IL5: variants seen among roughly 807,000 people sequenced by gnomAD.
IL5 encodes the protein interleukin 5.
A neutral mutation model predicts 16.3 loss-of-function variants in IL5; 12 were observed. The observed-to-expected ratio is 0.74, with a 90% CI of 0.47 to 1.20. The LOEUF is 1.20. Ranked by LOEUF, IL5 falls within the 50% of genes most tolerant of loss-of-function variation. The probability of loss-of-function intolerance (pLI) is 0.00; values close to 1 mark genes in which losing one functional copy is unlikely to be tolerated. For synonymous variants in IL5, 54 were observed against 56.6 expected (o/e 0.95, Z 0.21); for missense variants, 159 against 153.9 (o/e 1.03, Z -0.17).
chr5:132,542,187 T>A, intron 2 of IL5, 44 bp from the exon 3 acceptor site: 2 of 1,568,776 alleles, frequency 1.3e-6, no homozygotes, highest in South Asian at 1.2e-5. Flanking sequence ...CAAGACAAGG[T>A]ATAAAAATTT....
At position 132,542,145 on chromosome 5, in the gene IL5, TA is replaced by T. The variant is rs763525191; in HGVS notation, c.178-3del. Reference sequence around the variant, plus strand: ...GATTTCTTCAGTGCACAGTTGGTGCTAAATGAGGAAAATTTTTAAAATGCAA... The same window carrying T: ...GATTTCTTCAGTGCACAGTTGGTGCTAATGAGGAAAATTTTTAAAATGCAA... On this transcript the variant is annotated splice_polypyrimidine_tract_variant and splice_region_variant and intron_variant, in intron 2 of 3. Coordinates refer to ENST00000231454, the MANE Select transcript of IL5 (RefSeq NM_000879.3). 37 of 1,594,858 alleles carry T rather than the reference TA, an allele frequency of 2.3e-5. No individual in the cohort carries two copies. The highest frequency in any genetic ancestry group is 1.1e-5 in the Non-Finnish European group (13 of 1,175,098).
intron 1 of IL5, among the ~76,000 whole-genome samples, chr5:132,554,413 C>A (rs1749938945): frequency 6.9e-6 from 1 of 145,074 alleles, no homozygotes; most frequent in African/African-American, 2.5e-5. Context: ...GTCAATTATT[C>A]AAAGATACAC....
upstream of IL5, among the ~76,000 whole-genome samples, chr5:132,547,143 A>G (rs904413411): frequency 1.3e-4 from 20 of 152,246 alleles, no homozygotes; most frequent in African/African-American, 4.8e-4. Flanking sequence ...AGGAGATGGA[A>G]CACAACCCCC....
intron 1 of IL5, among the ~76,000 whole-genome samples, chr5:132,554,687 T>G (rs1749943352): frequency 6.6e-6 from 1 of 152,204 alleles, no homozygotes; most frequent in Admixed American, 6.5e-5. Flanking sequence ...TAATTCCACT[T>G]CTGGGTATAT....
At chr5:132,548,026 G>A (rs1480773760), upstream of IL5, among the ~76,000 whole-genome samples, 2 of 152,100 alleles carry the variant, frequency 1.3e-5, no homozygotes, top group African/African-American at 2.4e-5. Flanking sequence ...CTGAGATAGC[G>A]CCACTGCACT....
At chr5:132,543,801 G>T (rs1186623543), upstream of IL5, 7 of 204,606 alleles carry the variant, frequency 3.4e-5, no homozygotes, top group Non-Finnish European at 6.9e-5. Context: ...CCTCTTAAAA[G>T]ATGTGTGCAA....
rs147191578 is a variant in IL5, at chr5:132,541,861, G to T, written c.355C>A (p.Leu119Met). 2 of 1,613,714 alleles carry T rather than the reference G, an allele frequency of 1.2e-6. No individual in the cohort carries two copies. The highest frequency in any genetic ancestry group is 2.7e-5 in the African/African-American group (2 of 74,876). Reference protein sequence around the residue: ...RRRVNQFLDYLQEFLGVMNTE... With the variant: ...RRRVNQFLDYMQEFLGVMNTE... ...TTCATTACACCAAGAAACTCTTGCA[G>T]GTAGTCTAGGAATTGGTTTACTCTC... The change falls in exon 4 of 4, where the codon CTG (leucine) becomes ATG (methionine). Residue 119 changes from leucine (L) to methionine (M), a missense_variant. Coordinates refer to ENST00000231454, the MANE Select transcript of IL5 (RefSeq NM_000879.3).
chr5:132,555,538 C>T (rs111934411), intron 1 of IL5, among the ~76,000 whole-genome samples: 139 of 152,312 alleles, frequency 9.1e-4, no homozygotes, highest in African/African-American at 3.2e-3. Flanking sequence ...CTTTTTGAGA[C>T]GGAGTCTCGC....
In IL5 at chr5:132,541,692, T is replaced by G. The variant is rs201136277; in HGVS notation, c.*119A>C. The G allele has an allele frequency of 2.6e-5, 15 of 582,612 alleles. No homozygotes were observed. The African/African-American group carries it at 2.8e-4, about 11-fold the overall frequency. 36.1% of individuals were successfully genotyped at this position (582,612 alleles called of 1,614,324 possible). On this transcript the variant is annotated 3_prime_UTR_variant, in exon 4 of 4. Coordinates refer to ENST00000231454, the MANE Select transcript of IL5 (RefSeq NM_000879.3). ...GTCAGTATGCCTGAAATATTTACTT[T>G]CCCTCTGAAGTTAAATTATACTGAA...
chr5:132,550,919 G>A (rs551414810), intron 1 of IL5, among the ~76,000 whole-genome samples: 5 of 152,254 alleles, frequency 3.3e-5, no homozygotes, highest in African/African-American at 1.2e-4. Context: ...AAGACAATGA[G>A]GAACAAAAAT....
At chr5:132,547,019 C>G (rs1406005140), upstream of IL5, among the ~76,000 whole-genome samples, 1 of 151,838 alleles carries the variant, frequency 6.6e-6, no homozygotes, top group Non-Finnish European at 1.5e-5. Context: ...GAGCGAGACT[C>G]CATCTCAAAA....
At chr5:132,551,941 T>C (rs1749888880) in intron 1 of IL5, among the ~76,000 whole-genome samples, 1 of 152,088 alleles carries the variant, frequency 6.6e-6, no homozygotes, top group South Asian at 2.1e-4. Context: ...CCAATATTAA[T>C]ATCAGAAAAA....
Position 132,543,101 on chromosome 5 carries a change from T to C in IL5, c.170A>G (p.His57Arg). ...AATCATAATTTAACTTACATTTTTA[T>C]GTACAGGAACAGGAATCCTCAGAGT... is the stretch of plus-strand genomic sequence containing the variant. The part of the protein sequence containing the change: ...NETLRIPVPV[H>R]KNHQLCTEEI... The change falls in exon 2 of 4, where the codon CAT becomes CGT. Residue 57 changes from histidine to arginine, a missense_variant. Coordinates refer to ENST00000231454, the MANE Select transcript of IL5 (RefSeq NM_000879.3). 2 of 1,603,228 alleles carry C rather than the reference T, an allele frequency of 1.2e-6. No homozygotes were observed. Among genetic ancestry groups the C allele is most frequent in the Non-Finnish European group, 8.5e-7 (1 of 1,170,866 alleles).
At position 132,542,069 on chromosome 5, in the gene IL5, C is replaced by T. The variant is rs1411636379; in HGVS notation, c.252G>A (p.Val84=). The T allele has an allele frequency of 3.7e-6, 6 of 1,613,590 alleles. No individual in the cohort carries two copies. In the South Asian group the frequency reaches 6.6e-5, roughly 18 times the overall value. The change falls in exon 3 of 4, where the codon GTG becomes GTA. Residue 84 remains valine, a synonymous_variant. Coordinates refer to ENST00000231454, the MANE Select transcript of IL5 (RefSeq NM_000879.3). ...LESQTVQGGT[V]ERLFKNLSLI... is the part of the protein sequence containing the mutation. ...AGGACAAGTTTTTGAATAGTCTTTCCACAGTACCCCCTTGCACAGTTTGAC... is the reference window on the plus strand; with the variant it reads ...AGGACAAGTTTTTGAATAGTCTTTCTACAGTACCCCCTTGCACAGTTTGAC...
At chr5:132,542,710 T>G (rs1749717615) in intron 2 of IL5, among the ~76,000 whole-genome samples, 1 of 152,224 alleles carries the variant, frequency 6.6e-6, no homozygotes, top group South Asian at 2.1e-4. Flanking sequence ...TATATTTTAA[T>G]GTCTACTGAT....
At chr5:132,555,751 G>A (rs971827348) in intron 1 of IL5, among the ~76,000 whole-genome samples, 1 of 152,152 alleles carries the variant, frequency 6.6e-6, no homozygotes, top group Non-Finnish European at 1.5e-5. Flanking sequence ...TCCTGACCTC[G>A]TGATCCACCC....
chr5:132,554,630 A>G (rs1749942454), intron 1 of IL5, among the ~76,000 whole-genome samples: 2 of 152,210 alleles, frequency 1.3e-5, no homozygotes, highest in African/African-American at 4.8e-5. Flanking sequence ...GGAAAACAGT[A>G]TGGCAGTTCC....
At chr5:132,545,657 A>G (rs1749771195), upstream of IL5, among the ~76,000 whole-genome samples, 1 of 152,196 alleles carries the variant, frequency 6.6e-6, no homozygotes, top group Non-Finnish European at 1.5e-5. Context: ...TATAGCATGC[A>G]TGATCTGTCT....
At chr5:132,542,179 A>G (rs750192591) in intron 2 of IL5, 36 bp from the exon 3 acceptor site, 2 of 1,586,508 alleles carry the variant, frequency 1.3e-6, no homozygotes, top group Non-Finnish European at 1.7e-6. Context: ...CAAATAATCA[A>G]GACAAGGTAT....
Sources: gnomAD v4.1 joint callset for allele counts (sites outside exome capture counted in the v4.1 genomes callset) on GRCh38, gnomAD v4.1.1 for gene constraint, MANE v1.5 for transcripts, NCBI Gene and HGNC (gene_info 2026-07-23, HGNC 2026-07-21) for gene names.